Variants in TBX21 observed in about 807,000 individuals in gnomAD.
The protein encoded by TBX21 is T-box transcription factor TBX21.
A neutral mutation model predicts 52.2 loss-of-function variants in TBX21; 11 were observed. The observed-to-expected ratio is 0.21, with a 90% CI of 0.13 to 0.35. The LOEUF (loss-of-function observed/expected upper bound fraction) is 0.35, where lower values mean the gene tolerates loss of function less well. Ranked by LOEUF, TBX21 falls within the 10% of genes least tolerant of loss-of-function variation. TBX21 has a pLI of 1.00. For synonymous variants in TBX21, 300 were observed against 316.1 expected (o/e 0.95, Z 0.54); for missense variants, 625 against 755.1 (o/e 0.83, Z 2.02).
chr17:47,744,135 G>T, intron 3 of TBX21, 60 bp from the exon 4 acceptor site: 11 of 1,585,112 alleles, frequency 6.9e-6, no homozygotes, highest in Admixed American at 1.7e-5. Context: ...GTTGGTGGGG[G>T]TGATGGGATC....
intron 1 of TBX21, among the ~76,000 whole-genome samples, chr17:47,738,303 G>A (rs907238988): frequency 3.3e-5 from 5 of 151,970 alleles, no homozygotes; most frequent in Admixed American, 6.6e-5. Flanking sequence ...GACTATAGGC[G>A]CACATCACCA....
chr17:47,742,992 C>T lies in TBX21; in HGVS notation c.647-79C>T. ...CTCCCCCTGTGTCCTTCCTTACGTC[C>T]CTCTCGGGACAGGCAAAGCCCTACA... On this transcript the variant is annotated intron_variant, in intron 2 of 5. Transcript: ENST00000177694. This position sits in a 1 kb window ranked among gnomAD's most constrained non-coding sequence, Gnocchi z 4.4. 3.2e-6 allele frequency: 5 copies of T among 1,577,786 alleles called. No homozygotes were observed. The South Asian group carries it at 4.7e-5, about 15-fold the overall frequency.
chr17:47,733,236 A>G lies in TBX21; in HGVS notation c.-219A>G, dbSNP rs918876769. 3.5e-5 allele frequency: 19 copies of G among 544,198 alleles called. No homozygotes were observed. Among genetic ancestry groups the G allele is most frequent in the Non-Finnish European group, 5.8e-5 (19 of 330,408 alleles). The allele number at this position is 544,198 out of a possible 1,614,324, so 33.7% of individuals were successfully genotyped here. A position where few individuals can be genotyped will look rare whatever the true frequency, so the allele number is the denominator to read the frequency against. On this transcript the variant is annotated 5_prime_UTR_variant, in exon 1 of 6. Transcript: ENST00000177694. This position sits in a 1 kb window ranked among gnomAD's most constrained non-coding sequence, Gnocchi z 6.6. ...AGCCACAGCAAAGCGCTGCGACTCT[A>G]GTGACAGCGGCCCGCTGGAGAGGAA...
In TBX21 at chr17:47,745,046, G is replaced by C; in HGVS notation, c.1288G>C (p.Ala430Pro). The change falls in exon 6 of 6, where the codon GCT (alanine) becomes CCT (proline). Residue 430 changes from alanine to proline, a missense_variant. Physicochemically the swap from Ala to Pro is conservative, Grantham distance 27. Coordinates refer to ENST00000177694, the MANE Select transcript of TBX21 (RefSeq NM_013351.2). ...YRGQEVLAPG[A>P]GWPVAPQYPP... Reference sequence around the variant, plus strand: ...AGGCCAGGAGGTCCTGGCACCTGGAGCTGGCTGGCCTGTGGCACCCCAGTA... The same window carrying C: ...AGGCCAGGAGGTCCTGGCACCTGGACCTGGCTGGCCTGTGGCACCCCAGTA... The C allele has an allele frequency of 6.2e-7, 1 of 1,612,756 alleles. No individual in the cohort carries two copies. The highest frequency in any genetic ancestry group is 1.3e-5 in the African/African-American group (1 of 75,082).
rs200867606 is a variant in TBX21, at chr17:47,745,090, G to A, written c.1332G>A (p.Pro444=). 83 of 1,613,698 alleles carry A rather than the reference G, an allele frequency of 5.1e-5. 2 individuals carry two copies. The highest frequency in any genetic ancestry group is 4.9e-4 in the Middle Eastern group (3 of 6,062). The stretch of plus-strand genomic sequence containing the variant: ...CCCAGTACCCTCCCAAGATGGGCCC[G>A]GCCAGCTGGTTCCGCCCTATGCGGA... The part of the protein sequence containing the change: ...VAPQYPPKMG[P]ASWFRPMRTL... The change falls in exon 6 of 6, where the codon CCG becomes CCA. Residue 444 remains proline (P), a synonymous_variant. Transcript: ENST00000177694.
intron 1 of TBX21, among the ~76,000 whole-genome samples, chr17:47,735,145 G>A (rs1039714173): frequency 6.6e-6 from 1 of 152,014 alleles, no homozygotes; most frequent in Non-Finnish European, 1.5e-5. Context: ...TACCAAACGT[G>A]GGGCTTGGGG....
Position 47,745,550 on chromosome 17 carries a change from G to A in TBX21, c.*184G>A, listed in dbSNP as rs1323087182. ...GTTCACCAGATGCTTCCTGGCCCAC[G>A]ATGAAACCTGAGAGGGGTGTCCCCT... On this transcript the variant is annotated 3_prime_UTR_variant, in exon 6 of 6. Transcript: ENST00000177694. 4.0e-6 allele frequency: 3 copies of A among 745,146 alleles called. No individual in the cohort carries two copies. The highest frequency in any genetic ancestry group is 4.1e-6 in the Non-Finnish European group (2 of 483,036). 46.2% of individuals were successfully genotyped at this position (745,146 alleles called of 1,614,324 possible).
At chr17:47,738,162 A>T (rs946551926) in intron 1 of TBX21, among the ~76,000 whole-genome samples, 6 of 151,788 alleles carry the variant, frequency 4.0e-5, no homozygotes, top group African/African-American at 7.3e-5. Flanking sequence ...TTTAATTAAA[A>T]ATTTTTTTTA....
Position 47,743,053 on chromosome 17 carries a change from G to T in TBX21, c.647-18G>T, listed in dbSNP as rs1329196383. 1 of 1,613,614 alleles carries T rather than the reference G, an allele frequency of 6.2e-7. No homozygotes were observed. The highest frequency in any genetic ancestry group is 8.5e-7 in the Non-Finnish European group (1 of 1,179,888). ...TCTGTCCCGGGGGCTGCATGTCAAA[G>T]AGGTGAACTGTCCACAGGAAACCGC... is the stretch of plus-strand genomic sequence containing the variant. On this transcript the variant is annotated intron_variant, in intron 2 of 5. Transcript: ENST00000177694.
intron 1 of TBX21, among the ~76,000 whole-genome samples, chr17:47,737,814 C>T (rs142542840): frequency 0.019 from 2,874 of 151,926 alleles, 30 homozygotes; most frequent in South Asian, 0.03. Context: ...TTAGTAGAGA[C>T]GGGGTTTCGC....
At chr17:47,736,201 A>G (rs1433882655) in intron 1 of TBX21, among the ~76,000 whole-genome samples, 1 of 152,104 alleles carries the variant, frequency 6.6e-6, no homozygotes, top group African/African-American at 2.4e-5. Context: ...GAAAAATTCC[A>G]CTACATACAA....
chr17:47,743,312 A>C, intron 3 of TBX21, 120 bp downstream of exon 3: 2 of 1,386,156 alleles, frequency 1.4e-6, no homozygotes. Context: ...TCCTACAGGA[A>C]GGAAGGTTCG....
chr17:47,733,281 C>T lies in TBX21; in HGVS notation c.-174C>T. ...GAGGAAGCCCGAGAGCTGCCGCGCG[C>T]CTGCCGGACGAGGGCGTAGAAGCCA... On this transcript the variant is annotated 5_prime_UTR_variant, in exon 1 of 6. Coordinates refer to ENST00000177694, the MANE Select transcript of TBX21 (RefSeq NM_013351.2). The surrounding 1 kb of genome is among the most constrained non-coding windows in gnomAD (Gnocchi z 6.6). 1 of 892,206 alleles carries T rather than the reference C, an allele frequency of 1.1e-6. No homozygotes were observed. The highest frequency in any genetic ancestry group is 1.5e-6 in the Non-Finnish European group (1 of 646,408). The allele number at this position is 892,206 out of a possible 1,614,324, so 55.3% of individuals were successfully genotyped here.
rs1024341087 is a variant in TBX21, at chr17:47,733,766, G to C, written c.312G>C (p.Pro104=). 1.3e-6 allele frequency: 2 copies of C among 1,491,538 alleles called. No individual in the cohort carries two copies. The highest frequency in any genetic ancestry group is 2.9e-5 in the East Asian group (1 of 34,578). The allele number at this position is 1,491,538 out of a possible 1,614,324, so 92.4% of individuals were successfully genotyped here. A position where few individuals can be genotyped will look rare whatever the true frequency, so the allele number is the denominator to read the frequency against. Reference sequence around the variant, plus strand: ...CCGCGGACGCCGAGGGCTACCAGCCGGGCGAGGGCTACGCCGCCCCGGACC... The same window carrying C: ...CCGCGGACGCCGAGGGCTACCAGCCCGGCGAGGGCTACGCCGCCCCGGACC... ...PPPADAEGYQ[P]GEGYAAPDPR... The change falls in exon 1 of 6, where the codon CCG becomes CCC. Residue 104 remains proline (P), a synonymous_variant. Transcript: ENST00000177694. The surrounding 1 kb of genome is among the most constrained non-coding windows in gnomAD (Gnocchi z 6.6).
chr17:47,733,719 G>C lies in TBX21; in HGVS notation c.265G>C (p.Ala89Pro). The part of the protein sequence containing the change: ...PRPQAAGFPG[A>P]GESFPPPADA... Reference sequence around the variant, plus strand: ...ACCCCAGGCGGCCGGCTTCCCCGGCGCGGGCGAGTCCTTCCCGCCGCCCGC... The same window carrying C: ...ACCCCAGGCGGCCGGCTTCCCCGGCCCGGGCGAGTCCTTCCCGCCGCCCGC... Residue 89 changes from alanine (A) to proline (P), a missense_variant, in exon 1 of 6, where the codon GCG becomes CCG. This residue lies in a region of TBX21 where 221 missense variants were observed against 204.9 expected (regional missense o/e 1.08). Coordinates refer to ENST00000177694, the MANE Select transcript of TBX21 (RefSeq NM_013351.2). The surrounding 1 kb of genome is among the most constrained non-coding windows in gnomAD (Gnocchi z 6.6). The C allele has an allele frequency of 7.0e-7, 1 of 1,420,738 alleles. No homozygotes were observed. Among genetic ancestry groups the C allele is most frequent in the South Asian group, 1.5e-5 (1 of 65,944 alleles). 88.0% of individuals were successfully genotyped at this position (1,420,738 alleles called of 1,614,324 possible). A position where few individuals can be genotyped will look rare whatever the true frequency, so the allele number is the denominator to read the frequency against.
At chr17:47,739,714 A>C (rs2032246812) in intron 1 of TBX21, among the ~76,000 whole-genome samples, 1 of 151,666 alleles carries the variant, frequency 6.6e-6, no homozygotes, top group African/African-American at 2.4e-5. Context: ...GTGAGCCAAG[A>C]TCACACCACT....
intron 1 of TBX21, among the ~76,000 whole-genome samples, chr17:47,740,553 A>G (rs2143430989): frequency 6.6e-6 from 1 of 152,218 alleles, no homozygotes; most frequent in Non-Finnish European, 1.5e-5. Flanking sequence ...GGCCAACGTG[A>G]AACTCCATCT....
rs1339256328 is a variant in TBX21 at position 47,733,672 on chromosome 17, G to C, written c.218G>C (p.Gly73Ala). ...CCCGCCCCGCCGAGCCGCTTCCTTG[G>C]AGCCTACGCCTACCCGCCGCGACCC... The part of the protein sequence containing the change: ...LVPAPPSRFL[G>A]AYAYPPRPQA... Residue 73 changes from glycine to alanine, a missense_variant, in exon 1 of 6, where the codon GGA (glycine) becomes GCA (alanine). By Grantham distance (60) the Gly-to-Ala change is moderately conservative (BLOSUM62 0). Transcript: ENST00000177694. The surrounding 1 kb of genome is among the most constrained non-coding windows in gnomAD (Gnocchi z 6.6). The C allele has an allele frequency of 1.7e-5, 24 of 1,453,062 alleles. No homozygotes were observed. In the Middle Eastern group the frequency reaches 9.6e-4, roughly 58 times the overall value. 90.0% of individuals were successfully genotyped at this position (1,453,062 alleles called of 1,614,324 possible). A position where few individuals can be genotyped will look rare whatever the true frequency, so the allele number is the denominator to read the frequency against.
Position 47,744,240 on chromosome 17 carries a change from A to G in TBX21, c.814A>G (p.Ile272Val). 6.2e-7 allele frequency: 1 copy of G among 1,614,158 alleles called. No homozygotes were observed. Among genetic ancestry groups the G allele is most frequent in the South Asian group, 1.1e-5 (1 of 91,084 alleles). ...CCATAAGTACCAGCCCCGGCTGCAT[A>G]TCGTTGAGGTGAACGACGGAGAGCC... ...SLHKYQPRLH[I>V]VEVNDGEPEA... Residue 272 changes from isoleucine to valine, a missense_variant, in exon 4 of 6, where the codon ATC becomes GTC. Ile to Val is a conservative substitution (Grantham distance 29, BLOSUM62 3). This residue lies in a region of TBX21 where 142 missense variants were observed against 258.5 expected (regional missense o/e 0.55). Coordinates refer to ENST00000177694, the MANE Select transcript of TBX21 (RefSeq NM_013351.2).
Sources: allele counts gnomAD v4.1 joint callset (sites outside exome capture counted in the v4.1 genomes callset), GRCh38; gene constraint gnomAD v4.1.1; regional missense constraint gnomAD v4.1.1; non-coding constraint Gnocchi (gnomAD v3.1); transcripts MANE v1.5; gene names NCBI Gene and HGNC (gene_info 2026-07-23, HGNC 2026-07-21).